MARCHF1: variants seen among roughly 807,000 people sequenced by gnomAD.
MARCHF1 encodes membrane associated ring-CH-type finger 1, also known as E3 ubiquitin-protein ligase MARCHF1.
A neutral mutation model predicts 54.2 loss-of-function variants in MARCHF1; 40 were observed. That is an observed-to-expected ratio of 0.74 (90% CI 0.57 to 0.96). MARCHF1 has a LOEUF of 0.96. Among genes scored for constraint, MARCHF1 ranks in the 40% least tolerant of loss-of-function variants. The pLI is 0.00. For missense variants in MARCHF1, 586 were observed against 656.5 expected (o/e 0.89, Z 1.17); for synonymous variants, 236 against 236.3 (o/e 1.00, Z 0.01).
intron 5 of MARCHF1, among the ~76,000 whole-genome samples, chr4:163,651,403 C>T (rs1742958174): frequency 6.6e-6 from 1 of 151,782 alleles, no homozygotes; most frequent in Non-Finnish European, 1.5e-5. Context: ...CAAAGGTCAT[C>T]AGTTTACCTT....
chr4:164,260,165 G>T (rs1422452887), intron 1 of MARCHF1, among the ~76,000 whole-genome samples: 2 of 152,070 alleles, frequency 1.3e-5, no homozygotes, highest in African/African-American at 2.4e-5. Flanking sequence ...AGGGTCATCA[G>T]CCTTCAAGCT....
chr4:163,633,946 A>C (rs1320209670), intron 5 of MARCHF1, among the ~76,000 whole-genome samples: 1 of 152,218 alleles, frequency 6.6e-6, no homozygotes, highest in Non-Finnish European at 1.5e-5. Context: ...AATATTCAAC[A>C]TTCTTAAAGA....
chr4:163,830,190 T>A (rs1327039456), intron 4 of MARCHF1, among the ~76,000 whole-genome samples: 2 of 152,050 alleles, frequency 1.3e-5, no homozygotes, highest in African/African-American at 4.8e-5. Context: ...AAACAACACC[T>A]AGTATACTTG....
At chr4:164,278,326 T>C (rs1190379643) in intron 1 of MARCHF1, among the ~76,000 whole-genome samples, 4 of 151,794 alleles carry the variant, frequency 2.6e-5, no homozygotes, top group African/African-American at 4.8e-5. Flanking sequence ...AAAAGAAAAA[T>C]CACTAAGCAA....
intron 1 of MARCHF1, among the ~76,000 whole-genome samples, chr4:164,266,444 A>C (rs1178688769): frequency 6.6e-6 from 1 of 152,220 alleles, no homozygotes; most frequent in Non-Finnish European, 1.5e-5. Context: ...TAAAAATAGT[A>C]ATACTTATTG....
Position 163,957,490 on chromosome 4 carries a change from T to A in MARCHF1, c.-39+31011A>T, listed in dbSNP as rs192336537. Reference sequence around the variant, plus strand: ...TTGCTGTCAAAAGCTTAGCTTTTTTTAAAAAGTTTTTTAAAAATGTGTTTT... The same window carrying A: ...TTGCTGTCAAAAGCTTAGCTTTTTTAAAAAAGTTTTTTAAAAATGTGTTTT... On this transcript the variant is annotated intron_variant, in intron 3 of 9. Transcript: ENST00000514618. Among the ~76,000 whole-genome samples, 750 of 152,146 alleles carry A rather than the reference T, an allele frequency of 4.9e-3. 4 individuals are homozygous for A. Among genetic ancestry groups the A allele is most frequent in the African/African-American group, 0.011 (461 of 41,534 alleles).
intron 2 of MARCHF1, among the ~76,000 whole-genome samples, chr4:164,097,000 G>A (rs1236466124): frequency 1.3e-5 from 2 of 151,984 alleles, no homozygotes; most frequent in African/African-American, 4.8e-5. Flanking sequence ...CAATTCTTTT[G>A]TTAATGTTCA....
chr4:163,995,052 TG>T (rs1362011115), intron 2 of MARCHF1, among the ~76,000 whole-genome samples: 2 of 151,988 alleles, frequency 1.3e-5, no homozygotes, highest in African/African-American at 4.8e-5. Flanking sequence ...CAGTTCTACC[TG>T]GAGATAGTAT....
At chr4:163,643,158 C>T (rs1010744633) in intron 5 of MARCHF1, among the ~76,000 whole-genome samples, 1 of 104,160 alleles carries the variant, frequency 9.6e-6, no homozygotes, top group African/African-American at 3.6e-5. Flanking sequence ...ACTATAAATA[C>T]AAAAAAAAAA....
chr4:163,657,508 C>T (rs2111089537), intron 5 of MARCHF1, among the ~76,000 whole-genome samples: 1 of 152,176 alleles, frequency 6.6e-6, no homozygotes, highest in East Asian at 1.9e-4. Context: ...AGTTTCAATG[C>T]TATTCCCATT....
intron 4 of MARCHF1, among the ~76,000 whole-genome samples, chr4:163,706,116 T>G (rs1423551922): frequency 6.6e-6 from 1 of 152,094 alleles, no homozygotes; most frequent in African/African-American, 2.4e-5. Flanking sequence ...GGTTATAGGT[T>G]GCCTAAGGTC....
intron 4 of MARCHF1, among the ~76,000 whole-genome samples, chr4:163,849,105 TTCTTCC>T (rs771558212): frequency 6.6e-6 from 1 of 152,232 alleles, no homozygotes; most frequent in Non-Finnish European, 1.5e-5. Flanking sequence ...AATGACTGTG[TTCTTCC>T]CCTTAACCTG....
chr4:163,753,491 T>C (rs1746582667), intron 4 of MARCHF1, among the ~76,000 whole-genome samples: 1 of 152,118 alleles, frequency 6.6e-6, no homozygotes, highest in Non-Finnish European at 1.5e-5. Context: ...CATGGAAAGT[T>C]GTCTGTAGGA....
At chr4:163,702,229 G>C (rs749511755) in intron 4 of MARCHF1, among the ~76,000 whole-genome samples, 1 of 152,140 alleles carries the variant, frequency 6.6e-6, no homozygotes, top group South Asian at 2.1e-4. Context: ...CCATGCTCCA[G>C]CTGGAGATTA....
At chr4:163,578,854 G>A (rs547211083) in intron 8 of MARCHF1, among the ~76,000 whole-genome samples, 2 of 152,226 alleles carry the variant, frequency 1.3e-5, no homozygotes, top group South Asian at 4.1e-4. Context: ...CTGGTATATG[G>A]TATATAATAC....
At chr4:163,797,044 T>C (rs1356993690) in intron 4 of MARCHF1, among the ~76,000 whole-genome samples, 2 of 152,160 alleles carry the variant, frequency 1.3e-5, no homozygotes, top group African/African-American at 2.4e-5. Flanking sequence ...ACATATCTTA[T>C]AATTTGTTTT....
chr4:164,368,242 G>A (rs1730935812), intron 1 of MARCHF1, among the ~76,000 whole-genome samples: 1 of 150,458 alleles, frequency 6.6e-6, no homozygotes, highest in Admixed American at 6.6e-5. Flanking sequence ...TATAATTCTA[G>A]ATGAAGTAGA....
intron 1 of MARCHF1, among the ~76,000 whole-genome samples, chr4:164,273,614 C>T (rs1371389618): frequency 3.9e-5 from 6 of 152,122 alleles, no homozygotes; most frequent in Non-Finnish European, 5.9e-5. Context: ...TAGAACGTGG[C>T]CTTGTAAGAA....
intron 3 of MARCHF1, among the ~76,000 whole-genome samples, chr4:163,908,700 A>C (rs1751124163): frequency 6.6e-6 from 1 of 152,150 alleles, no homozygotes; most frequent in Non-Finnish European, 1.5e-5. Context: ...TTCCTCCATT[A>C]AGGCAATTAG....
Sources: gnomAD v4.1 joint callset for allele counts (sites outside exome capture counted in the v4.1 genomes callset) on GRCh38, gnomAD v4.1.1 for gene constraint, MANE v1.5 for transcripts, NCBI Gene and HGNC (gene_info 2026-07-23, HGNC 2026-07-21) for gene names.